Variants in RUNX1 observed in about 807,000 individuals in gnomAD.
The protein encoded by RUNX1 is runt-related transcription factor 1.
Under a neutral mutation model 42.8 loss-of-function variants are expected in RUNX1, and 19 were observed. That is an observed-to-expected ratio of 0.44 (90% confidence interval 0.31 to 0.65). The LOEUF (loss-of-function observed/expected upper bound fraction) is 0.65. RUNX1 is among the 30% of genes least tolerant of loss of function. The pLI, the probability that RUNX1 is intolerant of heterozygous loss-of-function variation, is 0.07. For synonymous variants in RUNX1, 271 were observed against 289.4 expected (o/e 0.94, Z 0.64); for missense variants, 528 against 672.0 (o/e 0.79, Z 2.37).
At chr21:35,008,735 T>C (rs2059103423) in intron 2 of RUNX1, among the ~76,000 whole-genome samples, 1 of 152,236 alleles carries the variant, frequency 6.6e-6, no homozygotes, top group Non-Finnish European at 1.5e-5. Context: ...TTCTCCTTCA[T>C]CACCGATATG....
At chr21:34,858,590 G>T (rs1241222712) in intron 6 of RUNX1, among the ~76,000 whole-genome samples, 1 of 152,140 alleles carries the variant, frequency 6.6e-6, no homozygotes, top group African/African-American at 2.4e-5. Flanking sequence ...CTGCATCTTG[G>T]CTTTTGGGGA....
intron 2 of RUNX1, among the ~76,000 whole-genome samples, chr21:34,980,152 T>C (rs1461428657): frequency 1.3e-5 from 2 of 152,272 alleles, no homozygotes; most frequent in Non-Finnish European, 2.9e-5. Context: ...GCTTTGTCAC[T>C]GAAGAGCAGG....
intron 2 of RUNX1, among the ~76,000 whole-genome samples, chr21:34,910,963 T>G (rs997573261): frequency 5.9e-5 from 9 of 152,116 alleles, no homozygotes; most frequent in Admixed American, 2.0e-4. Flanking sequence ...AGACATGAGG[T>G]CTCCTTATTT....
rs752926959 is a variant in RUNX1, at chr21:34,880,620, C to T, written c.445G>A (p.Ala149Thr). ...NYSAELRNAT[A>T]AMKNQVARFN... ...CTTGCAACCTGGTTCTTCATGGCTG[C>T]GGTAGCATTTCTCAGCTCAGCCGAG... is the stretch of plus-strand genomic sequence containing the variant. The change falls in exon 5 of 9, where the codon GCA (alanine) becomes ACA (threonine). Residue 149 changes from alanine to threonine, a missense_variant. Ala to Thr is a moderately conservative substitution (Grantham distance 58). Coordinates refer to ENST00000675419, the MANE Select transcript of RUNX1 (RefSeq NM_001754.5). 2.5e-6 allele frequency: 4 copies of T among 1,613,826 alleles called. No individual in the cohort carries two copies. The highest frequency in any genetic ancestry group is 3.4e-6 in the Non-Finnish European group (4 of 1,179,970).
At chr21:34,994,769 A>G (rs766995238) in intron 2 of RUNX1, among the ~76,000 whole-genome samples, 6 of 152,240 alleles carry the variant, frequency 3.9e-5, no homozygotes. Context: ...ACTCATACAC[A>G]TATATGCAGA....
chr21:34,966,907 A>G (rs2058722831), intron 2 of RUNX1, among the ~76,000 whole-genome samples: 1 of 152,126 alleles, frequency 6.6e-6, no homozygotes, highest in Admixed American at 6.5e-5. Context: ...GTGCCAGATG[A>G]GGTGAAGGAA....
intron 6 of RUNX1, among the ~76,000 whole-genome samples, chr21:34,849,602 T>C (rs2057388562): frequency 1.4e-5 from 2 of 144,694 alleles, no homozygotes; most frequent in Non-Finnish European, 1.5e-5. Context: ...TTGATGAAAA[T>C]ATACCATGTG....
At chr21:34,980,065 C>T (rs972570761) in intron 2 of RUNX1, among the ~76,000 whole-genome samples, 2 of 152,326 alleles carry the variant, frequency 1.3e-5, no homozygotes, top group Admixed American at 6.5e-5. Context: ...AGTCAATATA[C>T]ATAAAGCGCT....
intron 2 of RUNX1, among the ~76,000 whole-genome samples, chr21:35,007,009 T>C (rs936165918): frequency 1.2e-4 from 18 of 152,200 alleles, no homozygotes; most frequent in African/African-American, 4.3e-4. Context: ...CTGCTTGGTA[T>C]TGGTGCCACC....
intron 2 of RUNX1, among the ~76,000 whole-genome samples, chr21:35,046,923 C>T (rs1194385957): frequency 6.6e-6 from 1 of 152,086 alleles, no homozygotes; most frequent in African/African-American, 2.4e-5. Flanking sequence ...GCTAACCGAC[C>T]CTTGTTCCTA....
chr21:34,998,711 T>A (rs1376314231), intron 2 of RUNX1, among the ~76,000 whole-genome samples: 1 of 151,960 alleles, frequency 6.6e-6, no homozygotes, highest in Non-Finnish European at 1.5e-5. Flanking sequence ...CTGGCTAATT[T>A]TTTGTATTTT....
At chr21:34,928,037 T>A (rs1283917353) in intron 2 of RUNX1, among the ~76,000 whole-genome samples, 1 of 152,186 alleles carries the variant, frequency 6.6e-6, no homozygotes, top group Non-Finnish European at 1.5e-5. Context: ...CCAAGTAACT[T>A]CAATAAGCGG....
At chr21:34,871,990 T>C (rs751867167) in intron 5 of RUNX1, among the ~76,000 whole-genome samples, 4 of 152,132 alleles carry the variant, frequency 2.6e-5, no homozygotes, top group African/African-American at 7.2e-5. Context: ...ATTACAGGTA[T>C]GTGCCACCAC....
At chr21:35,014,497 G>C (rs545849649) in intron 2 of RUNX1, among the ~76,000 whole-genome samples, 2 of 152,302 alleles carry the variant, frequency 1.3e-5, no homozygotes, top group Admixed American at 6.5e-5. Flanking sequence ...CACATATACG[G>C]AAAGGAGATA....
At position 34,792,733 on chromosome 21, in the gene RUNX1, G is replaced by A. The variant is rs1320548334; in HGVS notation, c.968-123C>T. 3.1e-6 allele frequency: 3 copies of A among 970,532 alleles called. No homozygotes were observed. The highest frequency in any genetic ancestry group is 3.0e-6 in the Non-Finnish European group (2 of 671,032). 60.1% of individuals were successfully genotyped at this position (970,532 alleles called of 1,614,324 possible). On this transcript the variant is annotated intron_variant, in intron 8 of 8. Coordinates refer to ENST00000675419, the MANE Select transcript of RUNX1 (RefSeq NM_001754.5). The surrounding 1 kb of genome is among the most constrained non-coding windows in gnomAD (Gnocchi z 6.9). ...CCTAGGAGGATGGGAAGCCACCCAGGATGCTACTGCTGGGGAGGACGGGGA... is the reference window on the plus strand; with the variant it reads ...CCTAGGAGGATGGGAAGCCACCCAGAATGCTACTGCTGGGGAGGACGGGGA...
intron 6 of RUNX1, among the ~76,000 whole-genome samples, chr21:34,858,924 T>G (rs1196431462): frequency 3.9e-5 from 6 of 152,210 alleles, no homozygotes; most frequent in Non-Finnish European, 7.3e-5. Context: ...TATTTACTGG[T>G]TTTCCCCAGA....
At chr21:35,013,512 G>A (rs918977334) in intron 2 of RUNX1, among the ~76,000 whole-genome samples, 1 of 152,126 alleles carries the variant, frequency 6.6e-6, no homozygotes, top group African/African-American at 2.4e-5. Flanking sequence ...GTTTATTAAA[G>A]ACCCTCATCC....
intron 2 of RUNX1, among the ~76,000 whole-genome samples, chr21:34,978,351 C>A (rs1373180737): frequency 6.6e-6 from 1 of 152,092 alleles, no homozygotes; most frequent in Non-Finnish European, 1.5e-5. Context: ...CTACAGAACT[C>A]AAAAATAAGT....
intron 2 of RUNX1, among the ~76,000 whole-genome samples, chr21:35,037,924 C>CTT (rs35525288): frequency 0.025 from 3,644 of 146,428 alleles, 132 homozygotes; most frequent in African/African-American, 0.08. Context: ...GCAGACATTT[C>CTT]TTTTTTTTTT....
Sources: allele counts gnomAD v4.1 joint callset (sites outside exome capture counted in the v4.1 genomes callset), GRCh38; gene constraint gnomAD v4.1.1; non-coding constraint Gnocchi (gnomAD v3.1); transcripts MANE v1.5; gene names NCBI Gene and HGNC (gene_info 2026-07-23, HGNC 2026-07-21).